ADGRV1: variants seen among roughly 807,000 people sequenced by gnomAD.
The protein encoded by ADGRV1 is adhesion G protein-coupled receptor V1.
In ADGRV1, 359 loss-of-function variants were observed where a neutral mutation model predicts 596.2. That is an observed-to-expected ratio of 0.60 (90% CI 0.55 to 0.66). The LOEUF (loss-of-function observed/expected upper bound fraction) is 0.66, where lower values mean the gene tolerates loss of function less well. ADGRV1 is among the 30% of genes least tolerant of loss of function. The pLI is 0.00. For synonymous variants in ADGRV1, 2,681 were observed against 2,679.2 expected (o/e 1.00, Z -0.02); for missense variants, 7,274 against 7,575.6 (o/e 0.96, Z 1.48).
intron 85 of ADGRV1, among the ~76,000 whole-genome samples, chr5:90,997,144 A>T (rs1781484998): frequency 6.6e-6 from 1 of 152,048 alleles, no homozygotes; most frequent in Non-Finnish European, 1.5e-5. Flanking sequence ...AAATGTGAGG[A>T]CATGAGATTT....
intron 86 of ADGRV1, among the ~76,000 whole-genome samples, chr5:91,094,972 C>G (rs1186351527): frequency 6.6e-6 from 1 of 152,150 alleles, no homozygotes; most frequent in Non-Finnish European, 1.5e-5. Context: ...GTCTAGCCTG[C>G]TGCAACAAAT....
chr5:90,768,898 G>T (rs1227836072), intron 59 of ADGRV1, among the ~76,000 whole-genome samples: 1 of 152,152 alleles, frequency 6.6e-6, no homozygotes, highest in East Asian at 1.9e-4. Context: ...GCAAGATTGG[G>T]CAGGGATGAA....
At chr5:90,583,984 G>C (rs891839864) in intron 1 of ADGRV1, among the ~76,000 whole-genome samples, 2 of 152,162 alleles carry the variant, frequency 1.3e-5, no homozygotes, top group Admixed American at 6.5e-5. Flanking sequence ...TTTGTTAAGA[G>C]TATAAGAGCT....
rs78017107 is a variant in ADGRV1 at position 91,128,614 on chromosome 5, A to G, written c.18433-21416A>G. Among the ~76,000 whole-genome samples the G allele has an allele frequency of 7.5e-3, 1,145 of 152,342 alleles. 6 individuals are homozygous for G. The highest frequency in any genetic ancestry group is 0.013 in the Admixed American group (204 of 15,302). ...CCAACATGTTGACTTATGTTGGCACATCCTAAATTCAAATGACTTCTCTAC... is the reference window on the plus strand; with the variant it reads ...CCAACATGTTGACTTATGTTGGCACGTCCTAAATTCAAATGACTTCTCTAC... On this transcript the variant is annotated intron_variant, in intron 87 of 89. Transcript: ENST00000405460.
chr5:90,883,345 A>G (rs574607535), intron 83 of ADGRV1, among the ~76,000 whole-genome samples: 1 of 152,292 alleles, frequency 6.6e-6, no homozygotes, highest in East Asian at 1.9e-4. Flanking sequence ...GGCAGCAAAT[A>G]TGTATTGATC....
At chr5:90,693,757 A>G in intron 32 of ADGRV1, 133 bp from the exon 33 acceptor site, 1 of 583,600 alleles carries the variant, frequency 1.7e-6, no homozygotes, top group Non-Finnish European at 2.7e-6. Flanking sequence ...GTAATTAAGA[A>G]ACAGGATTGT....
At chr5:90,858,331 G>C (rs1167679807) in intron 82 of ADGRV1, among the ~76,000 whole-genome samples, 2 of 152,132 alleles carry the variant, frequency 1.3e-5, no homozygotes, top group Non-Finnish European at 2.9e-5. Context: ...CATGGTTTGA[G>C]ATACACATTG....
At chr5:90,613,615 A>C (rs1159540405) in intron 1 of ADGRV1, among the ~76,000 whole-genome samples, 3 of 152,078 alleles carry the variant, frequency 2.0e-5, no homozygotes, top group Non-Finnish European at 2.9e-5. Flanking sequence ...ATCCTTCAGC[A>C]TCTCTGTCCC....
At chr5:90,999,054 CTTGCTCATG>C in intron 85 of ADGRV1, among the ~76,000 whole-genome samples, 1 of 151,944 alleles carries the variant, frequency 6.6e-6, no homozygotes, top group East Asian at 1.9e-4. Context: ...TTTCTGATTG[CTTGCTCATG>C]TTTTTCAATG....
chr5:90,868,621 C>G (rs76859973), intron 83 of ADGRV1, among the ~76,000 whole-genome samples: 3,496 of 151,028 alleles, frequency 0.023, 119 homozygotes, highest in East Asian at 0.14. Flanking sequence ...GCCCTCCCCC[C>G]GCTAGAATAA....
At chr5:90,902,459 T>C in intron 83 of ADGRV1, among the ~76,000 whole-genome samples, 1 of 152,158 alleles carries the variant, frequency 6.6e-6, no homozygotes, top group East Asian at 1.9e-4. Context: ...AAGTTACATA[T>C]GTTGCCTCCT....
At chr5:90,959,891 G>A (rs974187901) in intron 83 of ADGRV1, among the ~76,000 whole-genome samples, 2 of 152,158 alleles carry the variant, frequency 1.3e-5, no homozygotes, top group African/African-American at 4.8e-5. Context: ...TGTAATCCCA[G>A]CACTTTGGGA....
intron 83 of ADGRV1, among the ~76,000 whole-genome samples, chr5:90,877,284 T>G (rs1018204113): frequency 6.6e-6 from 1 of 152,202 alleles, no homozygotes; most frequent in Non-Finnish European, 1.5e-5. Flanking sequence ...GAATCTGGGT[T>G]GGTTCAACTG....
chr5:90,781,467 A>G lies in ADGRV1; in HGVS notation c.13120A>G (p.Ile4374Val). 1 of 1,609,008 alleles carries G rather than the reference A, an allele frequency of 6.2e-7. No homozygotes were observed. Among genetic ancestry groups the G allele is most frequent in the Non-Finnish European group, 8.5e-7 (1 of 1,177,106 alleles). The change falls in exon 65 of 90, where the codon ATA (isoleucine) becomes GTA (valine). Residue 4374 changes from isoleucine (I) to valine (V), a missense_variant. Transcript: ENST00000405460. ...TACCATTCAAGAAAATGGACTTCAG[A>G]TAGATCAACCTCCTGAAATAGGAAA... ...DFTIQENGLQ[I>V]DQPPEIGNIS...
intron 67 of ADGRV1, 125 bp from the exon 68 acceptor site, chr5:90,787,946 G>T: frequency 1.7e-6 from 1 of 592,028 alleles, no homozygotes; most frequent in Non-Finnish European, 2.7e-6. Flanking sequence ...GGAATTTGAT[G>T]GAATTATCCT....
intron 86 of ADGRV1, among the ~76,000 whole-genome samples, chr5:91,101,275 AATTAAATTTGAAAATTGCTAAAGTTGT>A (rs1381868905): frequency 1.3e-5 from 2 of 152,222 alleles, no homozygotes; most frequent in African/African-American, 2.4e-5. Context: ...TTCCAAGTAA[AATTAAATTTGAAAATTGCTAAAGTTGT>A]AAGCAACTGT....
intron 83 of ADGRV1, among the ~76,000 whole-genome samples, chr5:90,962,947 T>A (rs189260698): frequency 2.4e-3 from 358 of 152,262 alleles, no homozygotes; most frequent in African/African-American, 8.3e-3. Flanking sequence ...GAAAACATAT[T>A]GAAAAAGAAA....
chr5:91,140,460 T>G (rs10055598), intron 87 of ADGRV1, among the ~76,000 whole-genome samples: 95,258 of 152,136 alleles, frequency 0.63, 33,512 homozygotes, highest in Non-Finnish European at 0.78. Context: ...ATAAATAATC[T>G]TATTTATTAC....
At chr5:91,001,024 A>C (rs184802777) in intron 85 of ADGRV1, among the ~76,000 whole-genome samples, 1 of 152,160 alleles carries the variant, frequency 6.6e-6, no homozygotes, top group Non-Finnish European at 1.5e-5. Context: ...CTTACAAAAA[A>C]CACCCAGAAT....
Sources: allele counts gnomAD v4.1 joint callset (sites outside exome capture counted in the v4.1 genomes callset), GRCh38; gene constraint gnomAD v4.1.1; transcripts MANE v1.5; gene names NCBI Gene and HGNC (gene_info 2026-07-23, HGNC 2026-07-21).